The following RYK variants were observed in gnomAD, a reference collection of about 807,000 sequenced individuals.
RYK encodes the protein inactive tyrosine-protein kinase RYK.
A neutral mutation model predicts 70.2 loss-of-function variants in RYK; 21 were observed. That is an observed-to-expected ratio of 0.30 (90% CI 0.21 to 0.43). RYK has a LOEUF of 0.43. RYK is among the 20% of genes least tolerant of loss of function. RYK has a pLI of 1.00. For missense variants in RYK, 604 were observed against 753.3 expected (o/e 0.80, Z 2.32); for synonymous variants, 267 against 278.0 (o/e 0.96, Z 0.39).
chr3:134,187,621 CA>C (rs1174798951), intron 9 of RYK, among the ~76,000 whole-genome samples: 4 of 152,030 alleles, frequency 2.6e-5, no homozygotes, highest in Non-Finnish European at 4.4e-5. Flanking sequence ...GTGGCATGAT[CA>C]GGGGTCACTG....
At chr3:134,213,935 C>A (rs2014476852) in intron 2 of RYK, among the ~76,000 whole-genome samples, 1 of 152,106 alleles carries the variant, frequency 6.6e-6, no homozygotes, top group Admixed American at 6.5e-5. Flanking sequence ...TCCCGAGTAG[C>A]TGGTGGGACT....
At chr3:134,203,979 A>G (rs759497279) in intron 5 of RYK, among the ~76,000 whole-genome samples, 1 of 152,218 alleles carries the variant, frequency 6.6e-6, no homozygotes, top group Non-Finnish European at 1.5e-5. Flanking sequence ...GCAGATCTAT[A>G]TATTCTTCAT....
intron 1 of RYK, among the ~76,000 whole-genome samples, chr3:134,249,910 C>A (rs943003323): frequency 1.5e-5 from 2 of 133,042 alleles, no homozygotes; most frequent in Admixed American, 7.4e-5. Flanking sequence ...CCCCTTCTTT[C>A]TCTCTCGTTT....
At chr3:134,194,435 A>G (rs2013750367) in intron 7 of RYK, among the ~76,000 whole-genome samples, 1 of 152,194 alleles carries the variant, frequency 6.6e-6, no homozygotes, top group Admixed American at 6.5e-5. Flanking sequence ...CTGACTCAGC[A>G]ACATGTCCCA....
At chr3:134,228,089 G>A (rs879932740) in intron 1 of RYK, among the ~76,000 whole-genome samples, 1 of 152,230 alleles carries the variant, frequency 6.6e-6, no homozygotes, top group Non-Finnish European at 1.5e-5. Flanking sequence ...AGAAGTATGA[G>A]ACCAGTCTGG....
rs148745243 is a variant in RYK, at chr3:134,185,737, G to A, written c.1103-2666C>T. On this transcript the variant is annotated intron_variant, in intron 9 of 14. Coordinates refer to ENST00000623711, the MANE Select transcript of RYK (RefSeq NM_002958.4). ...AAACTAGTAATAGTTGGAGGTCCCT[G>A]CCCAGTTAAAAAGACTTTTACCATT... Among the ~76,000 whole-genome samples, 1,168 of 152,240 alleles carry A rather than the reference G, an allele frequency of 7.7e-3. 8 individuals carry two copies. Among genetic ancestry groups the A allele is most frequent in the Non-Finnish European group, 0.013 (852 of 67,990 alleles).
intron 6 of RYK, 83 bp downstream of exon 6, chr3:134,202,647 A>T: frequency 7.6e-6 from 9 of 1,188,464 alleles, no homozygotes; most frequent in Non-Finnish European, 9.6e-6. Context: ...TCCCTGCACC[A>T]CTGTGCATCG....
At chr3:134,209,110 G>A (rs2014312773) in intron 4 of RYK, among the ~76,000 whole-genome samples, 1 of 152,122 alleles carries the variant, frequency 6.6e-6, no homozygotes, top group African/African-American at 2.4e-5. Flanking sequence ...TTCAGTAACA[G>A]ATAATTCAAA....
At chr3:134,174,750 C>T (rs2013037775) in intron 13 of RYK, among the ~76,000 whole-genome samples, 1 of 151,860 alleles carries the variant, frequency 6.6e-6, no homozygotes, top group Non-Finnish European at 1.5e-5. Context: ...AACAAGTGAA[C>T]GTGGCTTCTG....
intron 1 of RYK, among the ~76,000 whole-genome samples, chr3:134,228,119 A>G (rs7627059): frequency 0.74 from 112,460 of 152,166 alleles, 42,136 homozygotes; most frequent in East Asian, 0.99. Flanking sequence ...GCAAGACACT[A>G]TCTCTACAAA....
intron 7 of RYK, among the ~76,000 whole-genome samples, chr3:134,193,163 GATAA>G (rs2013699308): frequency 6.6e-6 from 1 of 151,614 alleles, no homozygotes; most frequent in Non-Finnish European, 1.5e-5. Flanking sequence ...ATTTTTAAAA[GATAA>G]ATAAATTTAT....
At chr3:134,248,504 A>C (rs554964972) in intron 1 of RYK, among the ~76,000 whole-genome samples, 1 of 152,322 alleles carries the variant, frequency 6.6e-6, no homozygotes, top group Non-Finnish European at 1.5e-5. Context: ...GCCTATGTCA[A>C]CACTGTTTCA....
intron 9 of RYK, among the ~76,000 whole-genome samples, chr3:134,185,811 T>C (rs957183064): frequency 2.0e-5 from 3 of 152,222 alleles, no homozygotes; most frequent in Non-Finnish European, 4.4e-5. Flanking sequence ...AATTTCAGAA[T>C]GTGTCATTTT....
chr3:134,182,920 C>T (rs2013346815), intron 10 of RYK, 82 bp downstream of exon 10: 2 of 783,926 alleles, frequency 2.6e-6, no homozygotes, highest in Non-Finnish European at 3.9e-6. Flanking sequence ...ATTCAGAAGT[C>T]ATCACAATGT....
rs572434602 is a variant in RYK, at chr3:134,168,835, C to T, written c.1575+6774G>A. Among the ~76,000 whole-genome samples, 120 of 152,182 alleles carry T rather than the reference C, an allele frequency of 7.9e-4. No individual in the cohort carries two copies. The Middle Eastern group carries it at 0.014, about 17-fold the overall frequency. ...AACTCTAGCTTTCTCTTTGATACCA[C>T]AGTAGTTCAGCAGACTACTTTCCAT... On this transcript the variant is annotated intron_variant, in intron 13 of 14. Transcript: ENST00000623711.
chr3:134,203,695 A>C (rs2014101976), intron 5 of RYK, among the ~76,000 whole-genome samples: 1 of 152,234 alleles, frequency 6.6e-6, no homozygotes, highest in East Asian at 1.9e-4. Flanking sequence ...TATAACAGTC[A>C]CTCACAAGTG....
At chr3:134,175,833 C>T in intron 12 of RYK, 65 bp from the exon 13 acceptor site, 2 of 1,576,174 alleles carry the variant, frequency 1.3e-6, no homozygotes, top group Non-Finnish European at 1.7e-6. Flanking sequence ...TCATCACCAC[C>T]CTTAAATACA....
intron 1 of RYK, among the ~76,000 whole-genome samples, chr3:134,226,086 G>A (rs1274303654): frequency 1.3e-5 from 2 of 151,966 alleles, no homozygotes; most frequent in East Asian, 1.9e-4. Flanking sequence ...TAACTATAAG[G>A]ATGAAGCCAA....
intron 1 of RYK, among the ~76,000 whole-genome samples, chr3:134,232,009 A>T (rs1291029412): frequency 1.3e-5 from 2 of 152,166 alleles, no homozygotes; most frequent in African/African-American, 2.4e-5. Context: ...ATCTTCATCC[A>T]TACCAAAGAA....
Sources: allele counts gnomAD v4.1 joint callset (sites outside exome capture counted in the v4.1 genomes callset), GRCh38; gene constraint gnomAD v4.1.1; transcripts MANE v1.5; gene names NCBI Gene and HGNC (gene_info 2026-07-23, HGNC 2026-07-21).